The following IL1RAPL1 variants were observed in gnomAD, a reference collection of about 807,000 sequenced individuals.
IL1RAPL1 encodes interleukin 1 receptor accessory protein like 1, also known as interleukin-1 receptor accessory protein-like 1.
IL1RAPL1 carries 3 observed loss-of-function variants against 48.4 expected under a neutral mutation model. That is an observed-to-expected ratio of 0.06 (90% confidence interval 0.03 to 0.16). IL1RAPL1 has a LOEUF of 0.16. Among genes scored for constraint, IL1RAPL1 ranks in the 10% least tolerant of loss-of-function variants. The pLI is 1.00. For synonymous variants in IL1RAPL1, 185 were observed against 187.7 expected, an observed-to-expected ratio of 0.99 and a Z score of 0.12; for missense variants, 349 against 530.6, an observed-to-expected ratio of 0.66 and a Z score of 3.36.
At chrX:28,792,816 A>AAAAAAAAAAATAT (rs1936562170) in intron 2 of IL1RAPL1, among the ~76,000 whole-genome samples, 1 of 10,110 alleles carries the variant, frequency 9.9e-5, no homozygotes, top group African/African-American at 3.4e-4. Flanking sequence ...AAAAAAAAAA[A>AAAAAAAAAAATAT]ATATATATAT....
chrX:29,266,776 T>C (rs781360440), intron 2 of IL1RAPL1, among the ~76,000 whole-genome samples: 2 of 111,689 alleles, frequency 1.8e-5, no homozygotes, highest in Non-Finnish European at 3.8e-5. Flanking sequence ...TAAGACTAGC[T>C]TTCTCTACTT....
chrX:29,650,873 A>G (rs954904382), intron 5 of IL1RAPL1, among the ~76,000 whole-genome samples: 1 of 111,419 alleles, frequency 9.0e-6, no homozygotes, highest in Admixed American at 9.6e-5. Context: ...TGCAAACTAT[A>G]CATCTGATAA....
At chrX:28,883,500 A>G (rs975209132) in intron 2 of IL1RAPL1, among the ~76,000 whole-genome samples, 1 of 112,129 alleles carries the variant, frequency 8.9e-6, no homozygotes, top group African/African-American at 3.2e-5. Flanking sequence ...GTCACTTGTG[A>G]TCACATATTG....
chrX:29,165,803 A>G (rs944237392), intron 2 of IL1RAPL1, among the ~76,000 whole-genome samples: 2 of 111,954 alleles, frequency 1.8e-5, no homozygotes, highest in Admixed American at 9.5e-5. Context: ...AGTTAACATC[A>G]TATCTTTTGG....
chrX:28,996,597 G>C (rs1309036245), intron 2 of IL1RAPL1, among the ~76,000 whole-genome samples: 1 of 109,767 alleles, frequency 9.1e-6, no homozygotes, highest in East Asian at 2.8e-4. Context: ...TTTCTCTGTT[G>C]ATCTCCACCA....
intron 10 of IL1RAPL1, 86 bp downstream of exon 10, chrX:29,954,778 G>A (rs1933385722): frequency 6.1e-6 from 5 of 816,381 alleles, no homozygotes; most frequent in Admixed American, 4.7e-5. Flanking sequence ...TTAATGTTTG[G>A]TTCTTTACTT....
At chrX:29,505,959 C>T (rs934383066) in intron 5 of IL1RAPL1, among the ~76,000 whole-genome samples, 12 of 112,047 alleles carry the variant, frequency 1.1e-4, no homozygotes, top group Non-Finnish European at 2.3e-4. Flanking sequence ...TTTTCAAATA[C>T]TCTGTCTTCA....
chrX:28,819,824 A>G (rs1018300782), intron 2 of IL1RAPL1, among the ~76,000 whole-genome samples: 3 of 106,199 alleles, frequency 2.8e-5, no homozygotes, highest in African/African-American at 6.7e-5. Context: ...ATGTAACATT[A>G]AGAATTGCAT....
At position 29,305,868 on chromosome X, in the gene IL1RAPL1, AAATG is replaced by A. The variant is rs764932365; in HGVS notation, c.362+22667_362+22670del. 2.7e-5 allele frequency among the ~76,000 whole-genome samples: 3 copies of A among 112,442 alleles called. No homozygotes were observed. In the East Asian group the frequency reaches 8.4e-4, roughly 31 times the overall value. The stretch of plus-strand genomic sequence containing the variant: ...GTGTGTGTGGGCACAGAATATGAAT[AAATG>A]AATGAATGAATGAATAATAGCATTA... On this transcript the variant is annotated intron_variant, in intron 3 of 10. Transcript: ENST00000378993.
chrX:28,894,480 C>G (rs901603849), intron 2 of IL1RAPL1, among the ~76,000 whole-genome samples: 1 of 110,789 alleles, frequency 9.0e-6, no homozygotes, highest in Non-Finnish European at 1.9e-5. Flanking sequence ...TGTGGTATCC[C>G]GAATAATGTG....
chrX:29,470,175 A>C (rs1034026298), intron 5 of IL1RAPL1, among the ~76,000 whole-genome samples: 1 of 111,998 alleles, frequency 8.9e-6, no homozygotes, highest in Non-Finnish European at 1.9e-5. Context: ...CTGCTAGTTT[A>C]GTCATGTGAA....
intron 2 of IL1RAPL1, among the ~76,000 whole-genome samples, chrX:28,985,477 T>G (rs905938807): frequency 8.9e-6 from 1 of 111,767 alleles, no homozygotes; most frequent in African/African-American, 3.3e-5. Context: ...AGATTTGATG[T>G]TAGTGTAACC....
chrX:29,667,492 G>A (rs1926030191), intron 5 of IL1RAPL1, among the ~76,000 whole-genome samples: 1 of 111,978 alleles, frequency 8.9e-6, no homozygotes, highest in Non-Finnish European at 1.9e-5. Flanking sequence ...ATCCTTAAAT[G>A]ATAATTTATA....
chrX:29,272,954 C>T (rs1932065463), intron 2 of IL1RAPL1, among the ~76,000 whole-genome samples: 2 of 111,650 alleles, frequency 1.8e-5, no homozygotes, highest in South Asian at 7.4e-4. Context: ...TTATGAAATT[C>T]TTGAAGTGAA....
rs188494665 is a variant in IL1RAPL1, at chrX:28,851,300, A to G, written c.82+61875A>G. Reference sequence around the variant, plus strand: ...AGGAGGCAGCAGTTATTAACTCCTTAACTGCACACATATTTTGCAAAAATA... The same window carrying G: ...AGGAGGCAGCAGTTATTAACTCCTTGACTGCACACATATTTTGCAAAAATA... On this transcript the variant is annotated intron_variant, in intron 2 of 10. Transcript: ENST00000378993. Among the ~76,000 whole-genome samples, 283 of 110,440 alleles carry G rather than the reference A, an allele frequency of 2.6e-3. 2 individuals carry two copies. Among genetic ancestry groups the G allele is most frequent in the African/African-American group, 8.8e-3 (266 of 30,364 alleles).
intron 5 of IL1RAPL1, among the ~76,000 whole-genome samples, chrX:29,589,154 ACT>A (rs1204899887): frequency 9.0e-6 from 1 of 111,424 alleles, no homozygotes; most frequent in Non-Finnish European, 1.9e-5. Context: ...TAGTAAACTG[ACT>A]CTCTCTTAGA....
chrX:29,596,574 A>G (rs1481874638), intron 5 of IL1RAPL1, among the ~76,000 whole-genome samples: 2 of 111,887 alleles, frequency 1.8e-5, no homozygotes, highest in African/African-American at 6.5e-5. Context: ...ATTTGTGTAC[A>G]TTAATTTGTA....
At chrX:28,647,769 A>C (rs1173291940) in intron 1 of IL1RAPL1, among the ~76,000 whole-genome samples, 2 of 111,861 alleles carry the variant, frequency 1.8e-5, no homozygotes, top group Non-Finnish European at 3.8e-5. Flanking sequence ...GTCAGTTCAT[A>C]GTCATCTTTT....
rs577114245 is a variant in IL1RAPL1 at position 29,645,507 on chromosome X, G to A, written c.704-22923G>A. 1.7e-4 allele frequency among the ~76,000 whole-genome samples: 18 copies of A among 107,875 alleles called. No individual in the cohort carries two copies. In the South Asian group the frequency reaches 4.3e-3, roughly 26 times the overall value. 93.7% of individuals were successfully genotyped at this position (107,875 alleles called of 115,157 possible). ...CCTGCTACAATGAAATCTAGCATCA[G>A]TCAGAATTCCATGACCACTGACTCC... On this transcript the variant is annotated intron_variant, in intron 5 of 10. Transcript: ENST00000378993.
Sources: allele counts gnomAD v4.1 joint callset (sites outside exome capture counted in the v4.1 genomes callset), GRCh38; gene constraint gnomAD v4.1.1; transcripts MANE v1.5; gene names NCBI Gene and HGNC (gene_info 2026-07-23, HGNC 2026-07-21).